PDE7B: variants seen among roughly 807,000 people sequenced by gnomAD.
PDE7B encodes the protein 3',5'-cyclic-AMP phosphodiesterase 7B.
PDE7B carries 29 observed loss-of-function variants against 56.2 expected under a neutral mutation model. That is an observed-to-expected ratio of 0.52 (90% confidence interval 0.38 to 0.70). PDE7B has a LOEUF of 0.70. Ranked by LOEUF, PDE7B falls within the 30% of genes least tolerant of loss-of-function variation. The pLI is 0.00. For synonymous variants in PDE7B, 197 were observed against 196.9 expected (o/e 1.00, Z 0.00); for missense variants, 490 against 565.0 (o/e 0.87, Z 1.35).
At position 136,108,789 on chromosome 6, in the gene PDE7B, A is replaced by G. The variant is rs1777697763; in HGVS notation, c.141A>G (p.Pro47=). 6.2e-7 allele frequency: 1 copy of G among 1,607,218 alleles called. No individual in the cohort carries two copies. Among genetic ancestry groups the G allele is most frequent in the South Asian group, 1.1e-5 (1 of 90,932 alleles). The change falls in exon 3 of 13, where the codon CCA becomes CCG. Residue 47 remains proline (P), a synonymous_variant. Transcript: ENST00000308191. ...GTGCTGAACGCCGTGGCTCCTACCCATTCATTGACTTCCGCCTACTTAACA... is the reference window on the plus strand; with the variant it reads ...GTGCTGAACGCCGTGGCTCCTACCCGTTCATTGACTTCCGCCTACTTAACA... ...GVRAERRGSY[P]FIDFRLLNST... is the part of the protein sequence containing the mutation.
At chr6:136,035,673 G>T (rs1776315240) in intron 2 of PDE7B, among the ~76,000 whole-genome samples, 1 of 152,146 alleles carries the variant, frequency 6.6e-6, no homozygotes, top group South Asian at 2.1e-4. Context: ...ATGTGAAATG[G>T]TGATGGCTTG....
At chr6:135,879,012 T>C (rs193021358) in intron 1 of PDE7B, among the ~76,000 whole-genome samples, 2 of 152,280 alleles carry the variant, frequency 1.3e-5, no homozygotes, top group Admixed American at 1.3e-4. Context: ...AATTTGTTTA[T>C]TGTGACTTTT....
intron 1 of PDE7B, among the ~76,000 whole-genome samples, chr6:135,932,291 A>G (rs1562444134): frequency 6.6e-6 from 1 of 152,148 alleles, no homozygotes; most frequent in East Asian, 1.9e-4. Flanking sequence ...ACATTTTTAA[A>G]TAACTTAAAG....
At chr6:136,031,555 C>T (rs1006006189) in intron 2 of PDE7B, among the ~76,000 whole-genome samples, 7 of 151,634 alleles carry the variant, frequency 4.6e-5, no homozygotes, top group Non-Finnish European at 1.0e-4. Flanking sequence ...CCGGCTAAAA[C>T]GGTGAAACCC....
intron 2 of PDE7B, among the ~76,000 whole-genome samples, chr6:136,027,272 T>A (rs1776168777): frequency 6.6e-6 from 1 of 152,222 alleles, no homozygotes; most frequent in African/African-American, 2.4e-5. Flanking sequence ...ATCTCTGAAG[T>A]CCCTTTAAAC....
chr6:136,058,423 A>T (rs1776776124), intron 2 of PDE7B, among the ~76,000 whole-genome samples: 1 of 152,186 alleles, frequency 6.6e-6, no homozygotes, highest in Non-Finnish European at 1.5e-5. Flanking sequence ...ACTGGACAAA[A>T]ACTATGTCCC....
chr6:135,966,562 C>T (rs1014923746), intron 2 of PDE7B, among the ~76,000 whole-genome samples: 8 of 152,044 alleles, frequency 5.3e-5, no homozygotes, highest in African/African-American at 7.2e-5. Context: ...GAATGAGTAG[C>T]GCTCCCTAGG....
At chr6:135,936,047 TG>T (rs1774414456) in intron 1 of PDE7B, among the ~76,000 whole-genome samples, 1 of 152,248 alleles carries the variant, frequency 6.6e-6, no homozygotes, top group East Asian at 1.9e-4. Context: ...GTTTGCATGT[TG>T]GGCTTCATGT....
intron 1 of PDE7B, among the ~76,000 whole-genome samples, chr6:135,913,010 C>G (rs1776238577): frequency 6.6e-6 from 1 of 152,156 alleles, no homozygotes; most frequent in Non-Finnish European, 1.5e-5. Flanking sequence ...CTTGCTCACT[C>G]TACCCTTGAA....
At chr6:136,058,041 TC>T (rs752551377) in intron 2 of PDE7B, among the ~76,000 whole-genome samples, 12 of 152,138 alleles carry the variant, frequency 7.9e-5, no homozygotes, top group Non-Finnish European at 1.6e-4. Context: ...CCGCCTCTGC[TC>T]ACAATTTAAT....
intron 3 of PDE7B, among the ~76,000 whole-genome samples, chr6:136,119,578 G>A (rs1407724377): frequency 2.6e-5 from 4 of 152,144 alleles, no homozygotes; most frequent in African/African-American, 9.7e-5. Context: ...TACTTTGCTT[G>A]TCATTTTAAA....
At chr6:136,166,701 A>G (rs1206938573) in intron 8 of PDE7B, among the ~76,000 whole-genome samples, 1 of 152,108 alleles carries the variant, frequency 6.6e-6, no homozygotes, top group Non-Finnish European at 1.5e-5. Context: ...CCCTCCCACC[A>G]GGCCTCACCT....
At chr6:135,894,324 G>A (rs1257663706) in intron 1 of PDE7B, among the ~76,000 whole-genome samples, 1 of 152,006 alleles carries the variant, frequency 6.6e-6, no homozygotes, top group Non-Finnish European at 1.5e-5. Flanking sequence ...GAACTATAGA[G>A]TGAATTTAAA....
intron 2 of PDE7B, among the ~76,000 whole-genome samples, chr6:136,092,961 G>C (rs369095721): frequency 1.3e-5 from 2 of 152,108 alleles, no homozygotes; most frequent in East Asian, 3.9e-4. Context: ...ACACACACAA[G>C]ATTTCTATGT....
intron 2 of PDE7B, among the ~76,000 whole-genome samples, chr6:135,955,180 T>C (rs1774767900): frequency 6.6e-6 from 1 of 152,108 alleles, no homozygotes; most frequent in Non-Finnish European, 1.5e-5. Context: ...ATTGAAATTC[T>C]ATCCTCAGCA....
chr6:136,038,322 C>T, intron 2 of PDE7B: 2 of 1,292,942 alleles, frequency 1.5e-6, no homozygotes, highest in Non-Finnish European at 2.0e-6. Flanking sequence ...TTCCACCCAG[C>T]AGAGCTAGGC....
chr6:136,024,165 T>C (rs553890372), intron 2 of PDE7B, among the ~76,000 whole-genome samples: 1 of 152,334 alleles, frequency 6.6e-6, no homozygotes, highest in Non-Finnish European at 1.5e-5. Flanking sequence ...GATGGCTATA[T>C]ATTTAGATCA....
At chr6:136,164,329 C>A (rs1259736337) in intron 8 of PDE7B, among the ~76,000 whole-genome samples, 1 of 152,102 alleles carries the variant, frequency 6.6e-6, no homozygotes, top group African/African-American at 2.4e-5. Context: ...GGTTGGGGGA[C>A]CACCACCATG....
intron 1 of PDE7B, among the ~76,000 whole-genome samples, chr6:135,940,431 A>G (rs959297382): frequency 2.6e-5 from 4 of 152,210 alleles, no homozygotes; most frequent in Non-Finnish European, 5.9e-5. Context: ...CACACTCATG[A>G]TACACTGTTA....
Sources: gnomAD v4.1 joint callset for allele counts (sites outside exome capture counted in the v4.1 genomes callset) on GRCh38, gnomAD v4.1.1 for gene constraint, MANE v1.5 for transcripts, NCBI Gene and HGNC (gene_info 2026-07-23, HGNC 2026-07-21) for gene names.